The following SP3 variants were observed in gnomAD, a reference collection of about 807,000 sequenced individuals.
SP3 encodes the protein Sp3 transcription factor.
SP3 carries 10 observed loss-of-function variants against 70.3 expected under a neutral mutation model. The ratio of observed to expected loss-of-function variants is 0.14; its 90% CI spans 0.09 to 0.24. The LOEUF is 0.24. Among genes scored for constraint, SP3 ranks in the 10% least tolerant of loss-of-function variants. SP3 has a pLI of 1.00. For missense variants in SP3, 825 were observed against 914.6 expected, an observed-to-expected ratio of 0.90 and a Z score of 1.26; for synonymous variants, 402 against 333.5, an observed-to-expected ratio of 1.21 and a Z score of -2.24.
rs2105512344 is a variant in SP3, at chr2:173,965,363, A to G, written c.-192T>C. 1 of 632,776 alleles carries G rather than the reference A, an allele frequency of 1.6e-6. No individual in the cohort carries two copies. Among genetic ancestry groups the G allele is most frequent in the Non-Finnish European group, 2.7e-6 (1 of 368,234 alleles). The allele number at this position is 632,776 out of a possible 1,614,324, so 39.2% of individuals were successfully genotyped here. On this transcript the variant is annotated 5_prime_UTR_variant, in exon 1 of 7. Transcript: ENST00000310015. ...TGGAGCCTCCAGCCCAAAAGGGGGG[A>G]AGAGGGTGACAGCCCGCCCGGAACT...
At chr2:173,965,027 A>G in intron 1 of SP3, 138 bp downstream of exon 1, 2 of 1,106,194 alleles carry the variant, frequency 1.8e-6, no homozygotes, top group Non-Finnish European at 2.6e-6. Context: ...GGCGCAGGGG[A>G]GTGCAGCTTT....
chr2:173,914,987 C>G (rs377067937), intron 5 of SP3: 1 of 152,266 alleles, frequency 6.6e-6, no homozygotes, highest in South Asian at 2.1e-4. Context: ...CTCGTGTACT[C>G]ATTATTTCAT....
chr2:173,939,166 C>T lies in SP3; in HGVS notation c.1639+15707G>A, dbSNP rs374146427. On this transcript the variant is annotated intron_variant, in intron 4 of 6. Transcript: ENST00000310015. ...TCATCTTTGTAATTCCAGTATCTGGCATGCACAGCAAGAGCGCTGTAAGTT... is the reference window on the plus strand; with the variant it reads ...TCATCTTTGTAATTCCAGTATCTGGTATGCACAGCAAGAGCGCTGTAAGTT... Among the ~76,000 whole-genome samples, 4 of 152,126 alleles carry T rather than the reference C, an allele frequency of 2.6e-5. 1 individual carries two copies. The highest frequency in any genetic ancestry group is 6.5e-5 in the Admixed American group (1 of 15,268).
At position 173,965,262 on chromosome 2, in the gene SP3, C is replaced by T; in HGVS notation, c.-91G>A. 1 of 1,437,502 alleles carries T rather than the reference C, an allele frequency of 7.0e-7. No individual in the cohort carries two copies. Among genetic ancestry groups the T allele is most frequent in the Non-Finnish European group, 9.5e-7 (1 of 1,048,804 alleles). The allele number at this position is 1,437,502 out of a possible 1,614,324, so 89.0% of individuals were successfully genotyped here. ...CGGCGGCGGGAGAGGATGCGGGAAG[C>T]GGCGGCGGACACGGCCGGAGCGGTC... On this transcript the variant is annotated 5_prime_UTR_variant, in exon 1 of 7. Transcript: ENST00000310015.
chr2:173,955,878 G>C lies in SP3; in HGVS notation c.634C>G (p.Gln212Glu), dbSNP rs1474271018. 6.2e-7 allele frequency: 1 copy of C among 1,614,152 alleles called. No homozygotes were observed. Among genetic ancestry groups the C allele is most frequent in the Non-Finnish European group, 8.5e-7 (1 of 1,180,010 alleles). ...SQIQIIPGSN[Q>E]TLLASGTPSA... Reference sequence around the variant, plus strand: ...GGTGTTCCAGAGGCAAGTAAGGTTTGATTAGAGCCAGGAATGATCTGAATT... The same window carrying C: ...GGTGTTCCAGAGGCAAGTAAGGTTTCATTAGAGCCAGGAATGATCTGAATT... Residue 212 changes from glutamine (Q) to glutamate (E), a missense_variant, in exon 4 of 7, where the codon CAA (glutamine) becomes GAA (glutamate). Physicochemically the swap from Gln to Glu is conservative, Grantham distance 29 (BLOSUM62 2). Around this residue, in one of 4 missense-constraint regions of SP3, gnomAD observed 678 missense variants for 651.6 expected, o/e 1.04. Transcript: ENST00000310015.
intron 4 of SP3, among the ~76,000 whole-genome samples, chr2:173,940,031 G>A (rs1471228539): frequency 1.3e-5 from 2 of 151,922 alleles, no homozygotes; most frequent in Non-Finnish European, 2.9e-5. Flanking sequence ...ACATTACTGT[G>A]ACCAGCTAAT....
At chr2:173,950,607 G>A (rs114930546) in intron 4 of SP3, among the ~76,000 whole-genome samples, 3,535 of 149,936 alleles carry the variant, frequency 0.024, 101 homozygotes, top group Admixed American at 0.098. Flanking sequence ...ATCACAATGC[G>A]TTATAATCAT....
chr2:173,964,679 G>T, intron 1 of SP3, 126 bp from the exon 2 acceptor site: 2 of 227,754 alleles, frequency 8.8e-6, no homozygotes, highest in Non-Finnish European at 1.4e-5. Flanking sequence ...TCCCCCACCC[G>T]CCCCCCGGCG....
chr2:173,944,759 TTAAACTAAA>T lies in SP3; in HGVS notation c.1639+10105_1639+10113del, dbSNP rs563013451. On this transcript the variant is annotated intron_variant, in intron 4 of 6. Coordinates refer to ENST00000310015, the MANE Select transcript of SP3 (RefSeq NM_003111.5). The stretch of plus-strand genomic sequence containing the variant: ...CTAAATTATGGGGTAAATTTGGTTA[TTAAACTAAA>T]TATACTATTCCAAAAAAATTAAAGA... Among the ~76,000 whole-genome samples, 3 of 152,276 alleles carry T rather than the reference TTAAACTAAA, an allele frequency of 2.0e-5. No individual in the cohort carries two copies. The South Asian group carries it at 6.2e-4, about 32-fold the overall frequency.
chr2:173,934,615 G>A (rs1690162660), intron 4 of SP3, among the ~76,000 whole-genome samples: 1 of 151,792 alleles, frequency 6.6e-6, no homozygotes, highest in Non-Finnish European at 1.5e-5. Flanking sequence ...CTGTAACTCC[G>A]GCACTTCAGG....
Position 173,965,358 on chromosome 2 carries a change from G to C in SP3, c.-187C>G, listed in dbSNP as rs1300318110. 1.2e-5 allele frequency: 8 copies of C among 647,986 alleles called. No individual in the cohort carries two copies. The highest frequency in any genetic ancestry group is 3.1e-5 in the Admixed American group (1 of 31,820). 40.1% of individuals were successfully genotyped at this position (647,986 alleles called of 1,614,324 possible). ...AAAGGTGGAGCCTCCAGCCCAAAAG[G>C]GGGGAAGAGGGTGACAGCCCGCCCG... On this transcript the variant is annotated 5_prime_UTR_variant, in exon 1 of 7. Transcript: ENST00000310015.
intron 4 of SP3, among the ~76,000 whole-genome samples, chr2:173,928,288 G>C (rs1330231077): frequency 6.6e-6 from 1 of 152,184 alleles, no homozygotes; most frequent in Non-Finnish European, 1.5e-5. Context: ...TTAAGTGTCA[G>C]CAGAGAAGAG....
chr2:173,924,878 A>G (rs1320400567), intron 4 of SP3, among the ~76,000 whole-genome samples: 4 of 152,232 alleles, frequency 2.6e-5, no homozygotes, highest in African/African-American at 7.2e-5. Context: ...AAGAAACTTT[A>G]GTACATACAT....
At chr2:173,920,273 G>C (rs1032358909) in intron 4 of SP3, among the ~76,000 whole-genome samples, 1 of 152,172 alleles carries the variant, frequency 6.6e-6, no homozygotes, top group Non-Finnish European at 1.5e-5. Flanking sequence ...AATTAAAGGG[G>C]AGGGAGGGAT....
intron 4 of SP3, among the ~76,000 whole-genome samples, chr2:173,930,927 T>C (rs1265781235): frequency 1.3e-5 from 2 of 151,198 alleles, no homozygotes; most frequent in Non-Finnish European, 3.0e-5. Flanking sequence ...AACTTTAATA[T>C]ATTTCATTTA....
rs745991557 is a variant in SP3, at chr2:173,955,974, C to T, written c.538G>A (p.Asp180Asn). The change falls in exon 4 of 7, where the codon GAT becomes AAT. Residue 180 changes from aspartate (D) to asparagine (N), a missense_variant. Asp to Asn is a conservative substitution (Grantham distance 23). Coordinates refer to ENST00000310015, the MANE Select transcript of SP3 (RefSeq NM_003111.5). ...AAACCAATTTGAACCTGCTGACCAT[C>T]TGCTGACTGGATCTGTGGTATCACT... is the stretch of plus-strand genomic sequence containing the variant. Reference protein sequence around the residue: ...YQVIPQIQSADGQQVQIGFTG... With the variant: ...YQVIPQIQSANGQQVQIGFTG... 6.2e-7 allele frequency: 1 copy of T among 1,614,230 alleles called. No homozygotes were observed.
At chr2:173,927,482 T>C (rs1159304943) in intron 4 of SP3, among the ~76,000 whole-genome samples, 2 of 152,168 alleles carry the variant, frequency 1.3e-5, no homozygotes, top group East Asian at 3.9e-4. Context: ...TTCACCATGT[T>C]GGCCAGGCTG....
chr2:173,948,635 A>T (rs1410515709), intron 4 of SP3, among the ~76,000 whole-genome samples: 1 of 152,186 alleles, frequency 6.6e-6, no homozygotes, highest in Non-Finnish European at 1.5e-5. Flanking sequence ...TATGACACTA[A>T]GTCTTATTCC....
chr2:173,939,778 A>G (rs1690310771), intron 4 of SP3, among the ~76,000 whole-genome samples: 1 of 151,498 alleles, frequency 6.6e-6, no homozygotes, highest in Admixed American at 6.6e-5. Flanking sequence ...AAAAAAAAAA[A>G]AAAAGTTACA....
Sources: allele counts gnomAD v4.1 joint callset (sites outside exome capture counted in the v4.1 genomes callset), GRCh38; gene constraint gnomAD v4.1.1; regional missense constraint gnomAD v4.1.1; transcripts MANE v1.5; gene names NCBI Gene and HGNC (gene_info 2026-07-23, HGNC 2026-07-21).